Variants in GPBP1 observed in about 807,000 individuals in gnomAD.
GPBP1 encodes GC-rich promoter binding protein 1.
Under a neutral mutation model 56.5 loss-of-function variants are expected in GPBP1, and 13 were observed. The ratio of observed to expected loss-of-function variants is 0.23; its 90% CI spans 0.15 to 0.37. GPBP1 has a LOEUF of 0.37. Among genes scored for constraint, GPBP1 ranks in the 10% least tolerant of loss-of-function variants. The probability of loss-of-function intolerance (pLI) is 1.00; values close to 1 mark genes in which losing one functional copy is unlikely to be tolerated. For synonymous variants in GPBP1, 204 were observed against 188.9 expected (o/e 1.08, Z -0.66); for missense variants, 477 against 572.3 (o/e 0.83, Z 1.70).
chr5:57,228,133 T>A (rs1756276717), intron 3 of GPBP1, among the ~76,000 whole-genome samples: 1 of 152,168 alleles, frequency 6.6e-6, no homozygotes, highest in African/African-American at 2.4e-5. Context: ...TTTAAATACT[T>A]CATTAAAACC....
chr5:57,238,893 A>T (rs1163428323), intron 6 of GPBP1, among the ~76,000 whole-genome samples: 1 of 152,216 alleles, frequency 6.6e-6, no homozygotes, highest in African/African-American at 2.4e-5. Flanking sequence ...AATCAAAGCA[A>T]ATTAGTCACC....
intron 2 of GPBP1, among the ~76,000 whole-genome samples, chr5:57,196,158 T>A (rs1333002903): frequency 4.6e-5 from 7 of 152,016 alleles, no homozygotes; most frequent in African/African-American, 1.7e-4. Context: ...AAGTCGAGAT[T>A]TATTGTTTTA....
intron 3 of GPBP1, among the ~76,000 whole-genome samples, chr5:57,219,801 C>A (rs1580025596): frequency 6.6e-6 from 1 of 152,042 alleles, no homozygotes; most frequent in Admixed American, 6.5e-5. Flanking sequence ...GCCTGTAATC[C>A]CAGCACTTTG....
intron 11 of GPBP1, 136 bp from the exon 12 acceptor site, chr5:57,262,458 A>G: frequency 1.5e-6 from 1 of 672,608 alleles, no homozygotes; most frequent in South Asian, 2.0e-5. Flanking sequence ...GTCTGGATCC[A>G]GAATTTTTTC....
Position 57,197,848 on chromosome 5 carries a change from T to C in GPBP1, c.-57-16226T>C, listed in dbSNP as rs28591538. Among the ~76,000 whole-genome samples, 598 of 152,310 alleles carry C rather than the reference T, an allele frequency of 3.9e-3. 7 individuals are homozygous for C. Among genetic ancestry groups the C allele is most frequent in the African/African-American group, 0.013 (551 of 41,564 alleles). On this transcript the variant is annotated intron_variant, in intron 2 of 11. Coordinates refer to ENST00000506184, the MANE Select transcript of GPBP1 (RefSeq NM_022913.4). The stretch of plus-strand genomic sequence containing the variant: ...TGATCTCTTTCATTTGCTACTTTGC[T>C]TAAAATGTTTGATGATTATTAGTTC...
intron 6 of GPBP1, among the ~76,000 whole-genome samples, chr5:57,240,960 A>T (rs1017132120): frequency 1.8e-4 from 20 of 109,286 alleles, no homozygotes; most frequent in African/African-American, 5.5e-4. Flanking sequence ...CTCCCATTTA[A>T]AAAAAAAAAA....
chr5:57,264,409 A>G lies in GPBP1; in HGVS notation c.*1657A>G, dbSNP rs1742030218. ...ATTGTACTATTTGCTTAATAGATTA[A>G]TGAAATTTATCAGATACAACCTGTA... On this transcript the variant is annotated 3_prime_UTR_variant, in exon 12 of 12. Coordinates refer to ENST00000506184, the MANE Select transcript of GPBP1 (RefSeq NM_022913.4). 1 of 152,176 alleles carries G rather than the reference A, an allele frequency of 6.6e-6. No individual in the cohort carries two copies. The highest frequency in any genetic ancestry group is 6.6e-5 in the Admixed American group (1 of 15,266). The allele number at this position is 152,176 out of a possible 1,614,324, so 9.4% of individuals were successfully genotyped here. A position where few individuals can be genotyped will look rare whatever the true frequency, so the allele number is the denominator to read the frequency against.
At chr5:57,259,844 ACT>A (rs1346839259) in intron 10 of GPBP1, among the ~76,000 whole-genome samples, 2 of 151,924 alleles carry the variant, frequency 1.3e-5, no homozygotes, top group African/African-American at 4.8e-5. Flanking sequence ...TTCTCAAAAC[ACT>A]CTCATAATAA....
At chr5:57,193,490 T>C (rs758013680) in intron 2 of GPBP1, among the ~76,000 whole-genome samples, 1 of 151,510 alleles carries the variant, frequency 6.6e-6, no homozygotes, top group Non-Finnish European at 1.5e-5. Flanking sequence ...GACTTGCGCC[T>C]GTAGTCCCAC....
intron 3 of GPBP1, 39 bp downstream of exon 3, chr5:57,214,232 G>A (rs761714244): frequency 6.9e-7 from 1 of 1,450,802 alleles, no homozygotes; most frequent in South Asian, 1.1e-5. Flanking sequence ...TGCTTCTCTT[G>A]CATTCATTTT....
intron 5 of GPBP1, among the ~76,000 whole-genome samples, chr5:57,233,263 C>T (rs914194859): frequency 6.6e-5 from 10 of 151,892 alleles, no homozygotes; most frequent in African/African-American, 2.2e-4. Flanking sequence ...GGGTTTAGGG[C>T]GAGGAGTGGT....
chr5:57,182,377 C>T (rs939210873), intron 2 of GPBP1, among the ~76,000 whole-genome samples: 5 of 149,518 alleles, frequency 3.3e-5, no homozygotes, highest in African/African-American at 1.2e-4. Flanking sequence ...AGCTTCTGTG[C>T]CTGGCCTTTT....
intron 3 of GPBP1, among the ~76,000 whole-genome samples, chr5:57,216,023 C>A (rs1267319306): frequency 6.6e-6 from 1 of 152,158 alleles, no homozygotes; most frequent in East Asian, 1.9e-4. Flanking sequence ...GGAGCAATAG[C>A]CTGAATCTGA....
At chr5:57,208,058 G>C (rs1755310483) in intron 2 of GPBP1, among the ~76,000 whole-genome samples, 1 of 152,102 alleles carries the variant, frequency 6.6e-6, no homozygotes, top group South Asian at 2.1e-4. Context: ...CAGGAAAACA[G>C]AAATGCCTGT....
intron 3 of GPBP1, among the ~76,000 whole-genome samples, chr5:57,226,537 G>A (rs1027367172): frequency 6.7e-6 from 1 of 149,308 alleles, no homozygotes; most frequent in Non-Finnish European, 1.5e-5. Context: ...TTCATCCTGG[G>A]CTCTGAGCAT....
intron 2 of GPBP1, among the ~76,000 whole-genome samples, chr5:57,178,053 T>C (rs1753873094): frequency 6.6e-6 from 1 of 152,154 alleles, no homozygotes; most frequent in Non-Finnish European, 1.5e-5. Flanking sequence ...TAATTCTAAT[T>C]GAGTGTCTAC....
At chr5:57,204,262 T>G (rs1025635407) in intron 2 of GPBP1, among the ~76,000 whole-genome samples, 1 of 145,708 alleles carries the variant, frequency 6.9e-6, no homozygotes, top group East Asian at 2.4e-4. Flanking sequence ...TTTTGTCTTG[T>G]TTTTTTTTGG....
intron 2 of GPBP1, among the ~76,000 whole-genome samples, chr5:57,176,957 G>A (rs1363899202): frequency 6.6e-6 from 1 of 152,106 alleles, no homozygotes; most frequent in Non-Finnish European, 1.5e-5. Context: ...ATATTAATCC[G>A]TTATAGAAAT....
intron 6 of GPBP1, among the ~76,000 whole-genome samples, chr5:57,238,081 T>C (rs1175558552): frequency 6.6e-6 from 1 of 152,158 alleles, no homozygotes; most frequent in East Asian, 1.9e-4. Context: ...GAATCATAGC[T>C]ATTAGGTACA....
Sources: allele counts gnomAD v4.1 joint callset (sites outside exome capture counted in the v4.1 genomes callset), GRCh38; gene constraint gnomAD v4.1.1; transcripts MANE v1.5; gene names NCBI Gene and HGNC (gene_info 2026-07-23, HGNC 2026-07-21).